Variants in SPIDR observed in about 807,000 individuals in gnomAD.
SPIDR encodes DNA repair-scaffolding protein.
In SPIDR, 93 loss-of-function variants were observed where a neutral mutation model predicts 104.6. The observed-to-expected ratio is 0.89, with a 90% confidence interval of 0.75 to 1.06. The LOEUF (loss-of-function observed/expected upper bound fraction) is 1.06. Ranked by LOEUF, SPIDR falls within the 50% of genes least tolerant of loss-of-function variation. SPIDR has a pLI of 0.00. For synonymous variants in SPIDR, 431 were observed against 416.9 expected, an observed-to-expected ratio of 1.03 and a Z score of -0.41; for missense variants, 1,154 against 1,111.2, an observed-to-expected ratio of 1.04 and a Z score of -0.55.
intron 8 of SPIDR, among the ~76,000 whole-genome samples, chr8:47,552,122 TG>T (rs1250836845): frequency 3.9e-5 from 6 of 152,246 alleles, no homozygotes; most frequent in African/African-American, 1.4e-4. Context: ...TTGATTGCAC[TG>T]TGGTCTGAGA....
intron 5 of SPIDR, among the ~76,000 whole-genome samples, chr8:47,311,653 A>C (rs1554585198): frequency 6.6e-6 from 1 of 152,138 alleles, no homozygotes; most frequent in Admixed American, 6.5e-5. Context: ...CTTCATCTCT[A>C]CAAAAAGAAA....
chr8:47,425,902 G>A (rs1276525539), intron 7 of SPIDR, among the ~76,000 whole-genome samples: 1 of 152,056 alleles, frequency 6.6e-6, no homozygotes, highest in African/African-American at 2.4e-5. Context: ...CAGATACACA[G>A]CTTAACAAGT....
At chr8:47,340,692 A>G (rs1489893033) in intron 5 of SPIDR, among the ~76,000 whole-genome samples, 1 of 152,158 alleles carries the variant, frequency 6.6e-6, no homozygotes, top group African/African-American at 2.4e-5. Flanking sequence ...AAGGTTCATC[A>G]CTAGAAATAC....
chr8:47,270,778 A>C (rs2154214226), intron 1 of SPIDR, among the ~76,000 whole-genome samples: 1 of 151,828 alleles, frequency 6.6e-6, no homozygotes, highest in East Asian at 1.9e-4. Context: ...ATTCCTTTTA[A>C]AGTTATCTTC....
chr8:47,365,289 AT>A (rs1436263124), intron 5 of SPIDR, among the ~76,000 whole-genome samples: 1 of 152,082 alleles, frequency 6.6e-6, no homozygotes, highest in Non-Finnish European at 1.5e-5. Flanking sequence ...ACCTGTCCCC[AT>A]TTACCTTTCC....
intron 8 of SPIDR, among the ~76,000 whole-genome samples, chr8:47,561,421 C>G (rs1050393544): frequency 2.2e-4 from 33 of 152,210 alleles, no homozygotes; most frequent in Non-Finnish European, 4.4e-5. Context: ...GGACGCCTCC[C>G]TCAACCACTT....
chr8:47,395,507 G>C (rs998310395), intron 5 of SPIDR, among the ~76,000 whole-genome samples: 1 of 152,190 alleles, frequency 6.6e-6, no homozygotes, highest in Non-Finnish European at 1.5e-5. Flanking sequence ...GAATATTGAA[G>C]GATGAATTGT....
At chr8:47,473,260 T>C (rs1246761102) in intron 8 of SPIDR, among the ~76,000 whole-genome samples, 2 of 152,254 alleles carry the variant, frequency 1.3e-5, no homozygotes, top group Non-Finnish European at 2.9e-5. Context: ...TAACGTGTTA[T>C]ACCCACACAT....
At chr8:47,499,394 C>A (rs1436589853) in intron 8 of SPIDR, among the ~76,000 whole-genome samples, 2 of 152,050 alleles carry the variant, frequency 1.3e-5, no homozygotes, top group African/African-American at 4.8e-5. Context: ...AAATATAGTT[C>A]CACCCCAGGC....
intron 5 of SPIDR, among the ~76,000 whole-genome samples, chr8:47,334,365 CT>C (rs2049308668): frequency 6.6e-6 from 1 of 152,132 alleles, no homozygotes; most frequent in Non-Finnish European, 1.5e-5. Flanking sequence ...TGTGAGAGAT[CT>C]TGAAGTCTCG....
intron 8 of SPIDR, among the ~76,000 whole-genome samples, chr8:47,482,499 A>G (rs2154362235): frequency 6.6e-6 from 1 of 152,248 alleles, no homozygotes. Flanking sequence ...CTTTGCTTGC[A>G]TTCTCATGTG....
Position 47,435,942 on chromosome 8 carries a change from A to C in SPIDR, c.878-4381A>C, listed in dbSNP as rs186125676. ...CCAGTCATCCTCTCTGTTCTTGAGA[A>C]AGTCACATGAGCAGCTAGCTTTATT... is the stretch of plus-strand genomic sequence containing the variant. On this transcript the variant is annotated intron_variant, in intron 7 of 19. Coordinates refer to ENST00000297423, the MANE Select transcript of SPIDR (RefSeq NM_001080394.4). 5.1e-4 allele frequency among the ~76,000 whole-genome samples: 77 copies of C among 152,346 alleles called. 1 individual carries two copies. The highest frequency in any genetic ancestry group is 2.1e-3 in the South Asian group (10 of 4,828).
At chr8:47,520,951 G>A (rs527642750) in intron 8 of SPIDR, among the ~76,000 whole-genome samples, 43 of 152,260 alleles carry the variant, frequency 2.8e-4, no homozygotes, top group Admixed American at 4.6e-4. Context: ...GCATGACATC[G>A]TCCTGCTGCT....
In SPIDR at chr8:47,511,318, A is replaced by G. The variant is rs866187055; in HGVS notation, c.1097+70776A>G. Reference sequence around the variant, plus strand: ...GCTGGCTTTGGCTTCATTTTCTGCCAGTTGGACTGGAGAGATGGTACTCAA... The same window carrying G: ...GCTGGCTTTGGCTTCATTTTCTGCCGGTTGGACTGGAGAGATGGTACTCAA... On this transcript the variant is annotated intron_variant, in intron 8 of 19. Coordinates refer to ENST00000297423, the MANE Select transcript of SPIDR (RefSeq NM_001080394.4). 7 of 1,294,884 alleles carry G rather than the reference A, an allele frequency of 5.4e-6. No homozygotes were observed. The East Asian group carries it at 6.9e-5, about 13-fold the overall frequency. 80.2% of individuals were successfully genotyped at this position (1,294,884 alleles called of 1,614,324 possible).
At chr8:47,592,079 CAAACA>C in intron 8 of SPIDR, 1 of 1,192,690 alleles carries the variant, frequency 8.4e-7, no homozygotes, top group Non-Finnish European at 1.2e-6. Context: ...CCATTAAATG[CAAACA>C]AAAAGGAGGA....
chr8:47,632,350 A>G (rs1026267465), intron 10 of SPIDR, among the ~76,000 whole-genome samples: 2 of 152,118 alleles, frequency 1.3e-5, no homozygotes, highest in African/African-American at 4.8e-5. Flanking sequence ...TGCAAGCAAC[A>G]TTGCTCAACA....
chr8:47,565,826 A>G (rs993832354), intron 8 of SPIDR, among the ~76,000 whole-genome samples: 3 of 150,230 alleles, frequency 2.0e-5, no homozygotes, highest in Non-Finnish European at 3.0e-5. Context: ...TGTTTAACCT[A>G]TATTAACAAG....
intron 8 of SPIDR, among the ~76,000 whole-genome samples, chr8:47,509,847 TATG>T (rs763315160): frequency 6.6e-5 from 10 of 152,228 alleles, no homozygotes; most frequent in East Asian, 1.9e-4. Context: ...ATGCGTATAA[TATG>T]ATGCACTCAC....
chr8:47,507,917 C>A (rs1254167212), intron 8 of SPIDR, among the ~76,000 whole-genome samples: 2 of 152,176 alleles, frequency 1.3e-5, no homozygotes, highest in African/African-American at 4.8e-5. Flanking sequence ...GTTCATTGGC[C>A]ACATGAGCAA....
Sources: gnomAD v4.1 joint callset for allele counts (sites outside exome capture counted in the v4.1 genomes callset) on GRCh38, gnomAD v4.1.1 for gene constraint, MANE v1.5 for transcripts, NCBI Gene and HGNC (gene_info 2026-07-23, HGNC 2026-07-21) for gene names.